The following PRELID2 variants were observed in gnomAD, a reference collection of about 807,000 sequenced individuals.
PRELID2 encodes the protein PRELI domain containing 2.
PRELID2 carries 25 observed loss-of-function variants against 28.4 expected under a neutral mutation model. The ratio of observed to expected loss-of-function variants is 0.88; its 90% CI spans 0.64 to 1.23. The LOEUF (loss-of-function observed/expected upper bound fraction) is 1.23, where lower values mean the gene tolerates loss of function less well. Among genes scored for constraint, PRELID2 ranks in the 50% most tolerant of loss-of-function variants. The pLI, the probability that PRELID2 is intolerant of heterozygous loss-of-function variation, is 0.00. For synonymous variants in PRELID2, 76 were observed against 71.6 expected (o/e 1.06, Z -0.31); for missense variants, 201 against 214.4 (o/e 0.94, Z 0.39).
chr5:145,690,190 C>A (rs899297726), intron 1 of PRELID2, among the ~76,000 whole-genome samples: 1 of 152,004 alleles, frequency 6.6e-6, no homozygotes, highest in Non-Finnish European at 1.5e-5. Context: ...TGGGATTTCA[C>A]CATGGTGCCC....
At chr5:145,410,825 T>A in the PRELID2 span, among the ~76,000 whole-genome samples, 1 of 152,104 alleles carries the variant, frequency 6.6e-6, no homozygotes, top group Non-Finnish European at 1.5e-5. Context: ...AGTCATACCT[T>A]TTCAACCATC....
At chr5:145,560,957 T>A (rs547448852) in intron 1 of PRELID2, among the ~76,000 whole-genome samples, 27 of 151,966 alleles carry the variant, frequency 1.8e-4, no homozygotes, top group African/African-American at 6.3e-4. Context: ...CGACCTCATT[T>A]CCATGACGTT....
chr5:145,305,716 A>G, the PRELID2 span, among the ~76,000 whole-genome samples: 4 of 152,080 alleles, frequency 2.6e-5, no homozygotes, highest in African/African-American at 9.7e-5. Context: ...ACACACATAC[A>G]AACACACACA....
At chr5:145,491,701 C>A (rs958040754) in intron 1 of PRELID2, among the ~76,000 whole-genome samples, 1 of 151,362 alleles carries the variant, frequency 6.6e-6, no homozygotes, top group Non-Finnish European at 1.5e-5. Flanking sequence ...ATCTCTGTAA[C>A]CCCCCCAGTA....
the PRELID2 span, among the ~76,000 whole-genome samples, chr5:145,243,502 C>A: frequency 6.6e-6 from 1 of 151,706 alleles, no homozygotes; most frequent in Non-Finnish European, 1.5e-5. Flanking sequence ...ACAATTAGCA[C>A]CTCAATTTTG....
chr5:145,381,386 G>T, the PRELID2 span, among the ~76,000 whole-genome samples: 1 of 152,128 alleles, frequency 6.6e-6, no homozygotes, highest in Non-Finnish European at 1.5e-5. Flanking sequence ...TACATATTGG[G>T]TTGGTGCAAA....
At chr5:145,419,042 C>A in the PRELID2 span, among the ~76,000 whole-genome samples, 1 of 150,794 alleles carries the variant, frequency 6.6e-6, no homozygotes, top group East Asian at 2.0e-4. Context: ...ATCCATGTCC[C>A]TACAAAGGAC....
chr5:145,232,374 G>T, the PRELID2 span, among the ~76,000 whole-genome samples: 68 of 152,238 alleles, frequency 4.5e-4, no homozygotes, highest in East Asian at 0.013. Context: ...CCTGAGGTCA[G>T]CCAGCAAATA....
the PRELID2 span, among the ~76,000 whole-genome samples, chr5:145,450,370 A>G: frequency 6.6e-6 from 1 of 152,178 alleles, no homozygotes; most frequent in African/African-American, 2.4e-5. Flanking sequence ...CATCTTGGCA[A>G]TCTAAAAATA....
At chr5:145,670,000 T>C (rs954740611) in intron 1 of PRELID2, among the ~76,000 whole-genome samples, 5 of 152,140 alleles carry the variant, frequency 3.3e-5, no homozygotes, top group Non-Finnish European at 7.4e-5. Context: ...ATTTTCTATT[T>C]ATTTGAGAGG....
At chr5:145,626,374 G>A (rs1273453580) in intron 1 of PRELID2, among the ~76,000 whole-genome samples, 1 of 152,028 alleles carries the variant, frequency 6.6e-6, no homozygotes, top group Non-Finnish European at 1.5e-5. Context: ...GCAAAGAAGA[G>A]CTGTTTTTCA....
chr5:145,417,103 T>C, the PRELID2 span, among the ~76,000 whole-genome samples: 2 of 151,966 alleles, frequency 1.3e-5, no homozygotes, highest in Non-Finnish European at 2.9e-5. Context: ...AATACAACCA[T>C]TAGGGAATAT....
At chr5:145,813,689 T>C (rs115743403) in intron 4 of PRELID2, among the ~76,000 whole-genome samples, 2,305 of 152,254 alleles carry the variant, frequency 0.015, 43 homozygotes, top group African/African-American at 0.048. Flanking sequence ...AGCTTTGACC[T>C]TGACATAGTA....
chr5:145,415,378 C>A, the PRELID2 span, among the ~76,000 whole-genome samples: 3 of 151,434 alleles, frequency 2.0e-5, no homozygotes, highest in Non-Finnish European at 4.4e-5. Flanking sequence ...GTGTGCTGCA[C>A]CCATTAACCC....
intron 1 of PRELID2, among the ~76,000 whole-genome samples, chr5:145,712,770 T>C (rs1420845497): frequency 6.6e-6 from 1 of 151,958 alleles, no homozygotes; most frequent in Non-Finnish European, 1.5e-5. Context: ...CCAATATAAA[T>C]ATATCAAAGG....
the PRELID2 span, among the ~76,000 whole-genome samples, chr5:145,303,364 C>T: frequency 6.6e-6 from 1 of 152,158 alleles, no homozygotes; most frequent in African/African-American, 2.4e-5. Context: ...GGACACTAAA[C>T]CTGTGTGACA....
At chr5:145,764,855 T>G in intron 6 of PRELID2, 76 bp downstream of exon 6, 4 of 1,034,524 alleles carry the variant, frequency 3.9e-6, no homozygotes, top group Non-Finnish European at 6.1e-6. Flanking sequence ...CCAGGGAGGC[T>G]GCTGTAGAAT....
At chr5:145,513,678 C>G (rs975347655) in intron 1 of PRELID2, among the ~76,000 whole-genome samples, 12 of 152,036 alleles carry the variant, frequency 7.9e-5, no homozygotes, top group African/African-American at 2.9e-4. Context: ...AGAGCAACTC[C>G]AAGACACATA....
chr5:145,788,473 C>T (rs548118913), intron 5 of PRELID2, among the ~76,000 whole-genome samples: 14 of 152,216 alleles, frequency 9.2e-5, no homozygotes, highest in African/African-American at 3.4e-4. Flanking sequence ...GGTTGAGGAA[C>T]ACACTGTATG....
Sources: gnomAD v4.1 joint callset for allele counts (sites outside exome capture counted in the v4.1 genomes callset) on GRCh38, gnomAD v4.1.1 for gene constraint, MANE v1.5 for transcripts, NCBI Gene and HGNC (gene_info 2026-07-23, HGNC 2026-07-21) for gene names.